CNBD1: variants seen among roughly 807,000 people sequenced by gnomAD.
CNBD1 encodes the protein cyclic nucleotide binding domain containing 1.
In CNBD1, 71 loss-of-function variants were observed where a neutral mutation model predicts 54.4. The ratio of observed to expected loss-of-function variants is 1.30; its 90% confidence interval spans 1.08 to 1.59. The LOEUF (loss-of-function observed/expected upper bound fraction) is 1.59. Ranked by LOEUF, CNBD1 falls within the 40% of genes most tolerant of loss-of-function variation. The pLI is 0.00. For synonymous variants in CNBD1, 182 were observed against 170.7 expected (o/e 1.07, Z -0.51); for missense variants, 659 against 518.0 (o/e 1.27, Z -2.64).
At position 87,300,755 on chromosome 8, in the gene CNBD1, G is replaced by A. The variant is rs1006317257; in HGVS notation, c.1042+14084G>A. 2.6e-5 allele frequency among the ~76,000 whole-genome samples: 4 copies of A among 152,022 alleles called. 1 individual carries two copies. Among genetic ancestry groups the A allele is most frequent in the Non-Finnish European group, 5.9e-5 (4 of 67,970 alleles). On this transcript the variant is annotated intron_variant, in intron 8 of 10. Transcript: ENST00000518476. ...TATTTCCAATGTTTGGAGGGTGAAG[G>A]CCTCTTATTTTAGTATGGTTCCACT...
intron 8 of CNBD1, among the ~76,000 whole-genome samples, chr8:87,287,298 G>A (rs1018756284): frequency 8.5e-5 from 13 of 152,110 alleles, no homozygotes; most frequent in Non-Finnish European, 1.5e-4. Flanking sequence ...AACAAGGGTT[G>A]CTAAACCAAG....
chr8:87,208,881 T>A (rs1419268994), intron 5 of CNBD1, among the ~76,000 whole-genome samples: 1 of 152,088 alleles, frequency 6.6e-6, no homozygotes, highest in Non-Finnish European at 1.5e-5. Flanking sequence ...GTATATTTAC[T>A]TTTAATGCTG....
At chr8:87,220,844 A>G (rs1228144634) in intron 5 of CNBD1, among the ~76,000 whole-genome samples, 1 of 118,292 alleles carries the variant, frequency 8.5e-6, no homozygotes, top group African/African-American at 3.4e-5. Flanking sequence ...ATGAATCAAA[A>G]TGTGGGTATA....
chr8:87,129,967 T>A (rs1169190864), intron 4 of CNBD1, among the ~76,000 whole-genome samples: 1 of 152,120 alleles, frequency 6.6e-6, no homozygotes, highest in East Asian at 1.9e-4. Flanking sequence ...GCAAGTCATG[T>A]CTTAAATGGA....
chr8:87,401,561 T>C (rs972106002), intron 2 of CNBD1, among the ~76,000 whole-genome samples: 4 of 152,062 alleles, frequency 2.6e-5, no homozygotes, highest in Admixed American at 2.6e-4. Flanking sequence ...TTTTATGTTA[T>C]TTTTTGTTGT....
chr8:86,912,824 C>A (rs1457154715), intron 3 of CNBD1, among the ~76,000 whole-genome samples: 1 of 152,108 alleles, frequency 6.6e-6, no homozygotes, highest in Non-Finnish European at 1.5e-5. Context: ...TCCCTGAAGA[C>A]CTTCCAGGGG....
chr8:87,071,593 A>G (rs975288312), intron 4 of CNBD1, among the ~76,000 whole-genome samples: 4 of 152,086 alleles, frequency 2.6e-5, no homozygotes, highest in Non-Finnish European at 4.4e-5. Flanking sequence ...ACAGATTTCA[A>G]TGGAGGTGAT....
At chr8:87,240,164 C>T (rs1419879802) in intron 6 of CNBD1, among the ~76,000 whole-genome samples, 1 of 151,624 alleles carries the variant, frequency 6.6e-6, no homozygotes, top group African/African-American at 2.4e-5. Flanking sequence ...ACATATATTA[C>T]TATCTGCAGT....
At chr8:86,901,243 T>G (rs980623519) in intron 2 of CNBD1, among the ~76,000 whole-genome samples, 2 of 152,188 alleles carry the variant, frequency 1.3e-5, no homozygotes, top group Non-Finnish European at 2.9e-5. Context: ...TACCAAATTG[T>G]ACCTGCCTCC....
At chr8:87,192,041 TATATC>T (rs1357850836) in intron 4 of CNBD1, among the ~76,000 whole-genome samples, 3 of 152,128 alleles carry the variant, frequency 2.0e-5, no homozygotes, top group Non-Finnish European at 4.4e-5. Context: ...TTTTAAAAAA[TATATC>T]AACCAAGCTA....
intron 4 of CNBD1, among the ~76,000 whole-genome samples, chr8:87,170,211 C>T (rs913635899): frequency 6.6e-6 from 1 of 151,842 alleles, no homozygotes; most frequent in Non-Finnish European, 1.5e-5. Context: ...TCAGACTGTT[C>T]TCTGTTAGCA....
At chr8:87,315,961 A>G (rs551067266) in intron 8 of CNBD1, among the ~76,000 whole-genome samples, 1 of 152,032 alleles carries the variant, frequency 6.6e-6, no homozygotes, top group Non-Finnish European at 1.5e-5. Context: ...ATATCACATG[A>G]TGTGCCCCAT....
intron 10 of CNBD1, among the ~76,000 whole-genome samples, chr8:87,368,632 A>G (rs947639370): frequency 6.6e-6 from 1 of 151,922 alleles, no homozygotes. Flanking sequence ...ACAAAAACCT[A>G]TCTCAAAAAG....
chr8:87,356,047 A>G (rs1810413904), intron 10 of CNBD1, among the ~76,000 whole-genome samples: 1 of 152,118 alleles, frequency 6.6e-6, no homozygotes, highest in East Asian at 1.9e-4. Context: ...TCCACCATGA[A>G]TAAAACCTTC....
chr8:87,053,946 T>A (rs779497379), intron 4 of CNBD1, among the ~76,000 whole-genome samples: 10 of 152,222 alleles, frequency 6.6e-5, no homozygotes, highest in Non-Finnish European at 1.2e-4. Context: ...GGATGCAGAA[T>A]GGATGCCTTA....
intron 5 of CNBD1, among the ~76,000 whole-genome samples, chr8:87,227,842 A>G (rs1814541760): frequency 6.8e-6 from 1 of 147,720 alleles, no homozygotes; most frequent in South Asian, 2.1e-4. Context: ...GTGTTTTCTA[A>G]CTTGGTTCCA....
intron 4 of CNBD1, among the ~76,000 whole-genome samples, chr8:87,043,889 C>T (rs1490929191): frequency 6.6e-6 from 1 of 152,214 alleles, no homozygotes; most frequent in Non-Finnish European, 1.5e-5. Flanking sequence ...ATACTTCCTC[C>T]CCATCCCACT....
chr8:87,134,862 G>A (rs1258738032), intron 4 of CNBD1, among the ~76,000 whole-genome samples: 1 of 151,832 alleles, frequency 6.6e-6, no homozygotes, highest in East Asian at 1.9e-4. Context: ...GCCCGCCTCA[G>A]CCTCCCAAAG....
chr8:87,318,007 AT>A (rs1229855458), intron 8 of CNBD1, among the ~76,000 whole-genome samples: 2 of 151,980 alleles, frequency 1.3e-5, no homozygotes, highest in Admixed American at 6.6e-5. Flanking sequence ...GAACCATTAT[AT>A]TTTTTATATC....
Sources: allele counts gnomAD v4.1 joint callset (sites outside exome capture counted in the v4.1 genomes callset), GRCh38; gene constraint gnomAD v4.1.1; transcripts MANE v1.5; gene names NCBI Gene and HGNC (gene_info 2026-07-23, HGNC 2026-07-21).